ARHGAP6: variants seen among roughly 807,000 people sequenced by gnomAD.
ARHGAP6 encodes Rho GTPase activating protein 6, also known as rho GTPase-activating protein 6.
In ARHGAP6, 16 loss-of-function variants were observed where a neutral mutation model predicts 55.7. The ratio of observed to expected loss-of-function variants is 0.29; its 90% CI spans 0.19 to 0.44. The LOEUF (loss-of-function observed/expected upper bound fraction) is 0.44, where lower values mean the gene tolerates loss of function less well. Ranked by LOEUF, ARHGAP6 falls within the 20% of genes least tolerant of loss-of-function variation. ARHGAP6 has a pLI of 1.00. For synonymous variants in ARHGAP6, 382 were observed against 360.9 expected (o/e 1.06, Z -0.66); for missense variants, 698 against 808.9 (o/e 0.86, Z 1.66).
At chrX:11,572,174 C>CT (rs1338488369) in intron 1 of ARHGAP6, among the ~76,000 whole-genome samples, 1 of 110,669 alleles carries the variant, frequency 9.0e-6, no homozygotes, top group Admixed American at 9.6e-5. Flanking sequence ...AATGAGGTTT[C>CT]TTTTTTTTAT....
chrX:11,531,969 A>T (rs1184606389), intron 1 of ARHGAP6, among the ~76,000 whole-genome samples: 4 of 112,441 alleles, frequency 3.6e-5, no homozygotes, highest in Non-Finnish European at 7.5e-5. Flanking sequence ...AGACAATTAC[A>T]TGCACATTCT....
At position 11,479,927 on chromosome X, in the gene ARHGAP6, C is replaced by G. The variant is rs1002685439; in HGVS notation, c.588+184314G>C. Reference sequence around the variant, plus strand: ...CCCTTCAATTTGGCTCCACAAAAAGCCTTACCTTGAAATACACATGCTTAG... The same window carrying G: ...CCCTTCAATTTGGCTCCACAAAAAGGCTTACCTTGAAATACACATGCTTAG... On this transcript the variant is annotated intron_variant, in intron 1 of 12. Coordinates refer to ENST00000337414, the MANE Select transcript of ARHGAP6 (RefSeq NM_013427.3). 4.5e-5 allele frequency among the ~76,000 whole-genome samples: 5 copies of G among 111,540 alleles called. 1 individual carries two copies. The South Asian group carries it at 1.1e-3, about 25-fold the overall frequency.
At chrX:11,162,339 C>A (rs1035055886) in intron 9 of ARHGAP6, among the ~76,000 whole-genome samples, 2 of 95,324 alleles carry the variant, frequency 2.1e-5, no homozygotes, top group South Asian at 6.5e-4. Flanking sequence ...CTGTGCCCCC[C>A]CCCCCATATT....
intron 3 of ARHGAP6, among the ~76,000 whole-genome samples, chrX:11,195,959 CAAAAAAA>C (rs1024986729): frequency 1.2e-4 from 1 of 8,413 alleles, no homozygotes; most frequent in Non-Finnish European, 2.5e-4. Context: ...ACTAAAAATA[CAAAAAAA>C]AAAAAAAAAA....
intron 2 of ARHGAP6, among the ~76,000 whole-genome samples, chrX:11,202,585 G>T (rs1364978218): frequency 1.8e-5 from 2 of 110,033 alleles, no homozygotes; most frequent in Non-Finnish European, 3.8e-5. Context: ...AGGCGGGCAG[G>T]TTATTTGAGG....
intron 1 of ARHGAP6, among the ~76,000 whole-genome samples, chrX:11,441,502 C>T (rs2050038804): frequency 9.0e-6 from 1 of 111,590 alleles, no homozygotes; most frequent in Admixed American, 9.5e-5. Context: ...CAGCCAACCA[C>T]AGGAGCCTGG....
chrX:11,372,220 T>C (rs1269462970), intron 1 of ARHGAP6, among the ~76,000 whole-genome samples: 2 of 112,051 alleles, frequency 1.8e-5, no homozygotes, highest in African/African-American at 6.5e-5. Flanking sequence ...TATAATCAGA[T>C]GGAAAATTCA....
At position 11,271,738 on chromosome X, in the gene ARHGAP6, G is replaced by A. The variant is rs753484398; in HGVS notation, c.589-17031C>T. Among the ~76,000 whole-genome samples the A allele has an allele frequency of 4.5e-5, 5 of 111,693 alleles. No homozygotes were observed. The Admixed American group carries it at 4.7e-4, about 11-fold the overall frequency. On this transcript the variant is annotated intron_variant, in intron 1 of 12. Coordinates refer to ENST00000337414, the MANE Select transcript of ARHGAP6 (RefSeq NM_013427.3). The stretch of plus-strand genomic sequence containing the variant: ...GTTGTACCACTTCATTCTAAGTGGG[G>A]AAAAGCAAGTTATTCATTTTTAGTT...
At chrX:11,387,131 C>G (rs1426649481) in intron 1 of ARHGAP6, among the ~76,000 whole-genome samples, 1 of 111,996 alleles carries the variant, frequency 8.9e-6, no homozygotes, top group African/African-American at 3.3e-5. Flanking sequence ...AGGAAGAAAG[C>G]AGGCTACAGG....
chrX:11,514,334 G>A (rs904697371), intron 1 of ARHGAP6, among the ~76,000 whole-genome samples: 1 of 110,331 alleles, frequency 9.1e-6, no homozygotes, highest in Admixed American at 9.7e-5. Context: ...GAGATTTGGG[G>A]TTACAGATTA....
rs2045581132 is a variant in ARHGAP6, at chrX:11,138,927, C to T, written c.2861G>A (p.Arg954His). The T allele has an allele frequency of 8.4e-7, 1 of 1,188,883 alleles. No homozygotes were observed. Among genetic ancestry groups the T allele is most frequent in the Non-Finnish European group, 1.1e-6 (1 of 887,757 alleles). Residue 954 changes from arginine (R) to histidine (H), a missense_variant, in exon 13 of 13, where the codon CGC becomes CAC. By Grantham distance (29) the Arg-to-His change is conservative (BLOSUM62 0). This residue lies in a region of ARHGAP6 where 212 missense variants were observed against 208.7 expected (regional missense o/e 1.02). Coordinates refer to ENST00000337414, the MANE Select transcript of ARHGAP6 (RefSeq NM_013427.3). ...CGACAGGAGCTCCCAGATCTGCCAG[C>T]GCTCTCTCTGCCAGTCGAGCCAGCC... ...DAGWLDWQRE[R>H]WQIWELLSTD...
chrX:11,548,543 A>G lies in ARHGAP6; in HGVS notation c.588+115698T>C, dbSNP rs370540003. ...TTGTTGTGTCTGACTTATCTTGCTT[A>G]ACATAATGTCAGCCAGGCTCATCCG... is the stretch of plus-strand genomic sequence containing the variant. On this transcript the variant is annotated intron_variant, in intron 1 of 12. Transcript: ENST00000337414. 4.6e-4 allele frequency among the ~76,000 whole-genome samples: 52 copies of G among 112,123 alleles called. No individual in the cohort carries two copies. The South Asian group carries it at 8.6e-3, about 18-fold the overall frequency.
intron 1 of ARHGAP6, among the ~76,000 whole-genome samples, chrX:11,324,595 T>C (rs866788576): frequency 4.1e-5 from 4 of 96,807 alleles, no homozygotes; most frequent in South Asian, 4.9e-4. Flanking sequence ...CTTACTAATC[T>C]TAAAAAAAAA....
intron 1 of ARHGAP6, 126 bp from the exon 2 acceptor site, chrX:11,254,833 C>T (rs1359268395): frequency 2.4e-6 from 2 of 840,221 alleles, no homozygotes; most frequent in African/African-American, 4.1e-5. Flanking sequence ...AATTGGGTCT[C>T]AATTCCCAAA....
intron 1 of ARHGAP6, among the ~76,000 whole-genome samples, chrX:11,346,027 T>TG (rs1487642115): frequency 9.1e-6 from 1 of 110,043 alleles, no homozygotes; most frequent in East Asian, 2.8e-4. Flanking sequence ...CACAAACTCC[T>TG]GGGGCACAAG....
intron 1 of ARHGAP6, among the ~76,000 whole-genome samples, chrX:11,500,737 T>C (rs2050669939): frequency 9.1e-6 from 1 of 109,765 alleles, no homozygotes; most frequent in African/African-American, 3.3e-5. Flanking sequence ...GTATACACTT[T>C]AGAAAAATCA....
chrX:11,359,594 G>A (rs1399101646), intron 1 of ARHGAP6, among the ~76,000 whole-genome samples: 1 of 111,684 alleles, frequency 9.0e-6, no homozygotes, highest in Non-Finnish European at 1.9e-5. Flanking sequence ...CTTTGCACAA[G>A]CATTATTAAG....
At chrX:11,495,124 C>T (rs777362920) in intron 1 of ARHGAP6, among the ~76,000 whole-genome samples, 11 of 111,876 alleles carry the variant, frequency 9.8e-5, no homozygotes, top group East Asian at 5.6e-4. Context: ...GACATCATAG[C>T]GCACTATATG....
At chrX:11,261,389 G>T (rs1232990283) in intron 1 of ARHGAP6, among the ~76,000 whole-genome samples, 1 of 111,265 alleles carries the variant, frequency 9.0e-6, no homozygotes, top group African/African-American at 3.3e-5. Flanking sequence ...CCCAGGAAGG[G>T]CACCAAAGCC....
Sources: allele counts gnomAD v4.1 joint callset (sites outside exome capture counted in the v4.1 genomes callset), GRCh38; gene constraint gnomAD v4.1.1; regional missense constraint gnomAD v4.1.1; transcripts MANE v1.5; gene names NCBI Gene and HGNC (gene_info 2026-07-23, HGNC 2026-07-21).